FGD6: variants seen among roughly 807,000 people sequenced by gnomAD.
FGD6 encodes the protein FYVE, RhoGEF and PH domain-containing protein 6.
Under a neutral mutation model 149.4 loss-of-function variants are expected in FGD6, and 90 were observed. The ratio of observed to expected loss-of-function variants is 0.60; its 90% CI spans 0.51 to 0.72. The LOEUF (loss-of-function observed/expected upper bound fraction) is 0.72, where lower values mean the gene tolerates loss of function less well. FGD6 is among the 30% of genes least tolerant of loss of function. The pLI, the probability that FGD6 is intolerant of heterozygous loss-of-function variation, is 0.00. For missense variants in FGD6, 1,437 were observed against 1,684.8 expected (o/e 0.85, Z 2.57); for synonymous variants, 527 against 584.0 (o/e 0.90, Z 1.41).
intron 2 of FGD6, among the ~76,000 whole-genome samples, chr12:95,207,038 C>T (rs1358995972): frequency 6.6e-6 from 1 of 150,758 alleles, no homozygotes; most frequent in Non-Finnish European, 1.5e-5. Context: ...TTTGGCTGTG[C>T]CCCCACCCAA....
At chr12:95,176,983 A>G (rs951239902) in intron 2 of FGD6, among the ~76,000 whole-genome samples, 3 of 152,156 alleles carry the variant, frequency 2.0e-5, no homozygotes, top group African/African-American at 4.8e-5. Flanking sequence ...GTACGCCACC[A>G]TGCCCAGCTA....
At chr12:95,201,248 C>T (rs1007842094) in intron 2 of FGD6, among the ~76,000 whole-genome samples, 1 of 152,140 alleles carries the variant, frequency 6.6e-6, no homozygotes, top group African/African-American at 2.4e-5. Flanking sequence ...CCTGGAAGAT[C>T]AGGGAGATAA....
At position 95,084,495 on chromosome 12, in the gene FGD6, T is replaced by C. The variant is rs745424423; in HGVS notation, c.4256+3A>G. On this transcript the variant is annotated splice_donor_region_variant and intron_variant, in intron 20 of 20. Coordinates refer to ENST00000343958, the MANE Select transcript of FGD6 (RefSeq NM_018351.4). ...AAAAGAAAAATATGGCCAGATTACT[T>C]ACTTCTGAGCCGAATGAGCATCCTC... 2 of 1,537,204 alleles carry C rather than the reference T, an allele frequency of 1.3e-6. No individual in the cohort carries two copies. Among genetic ancestry groups the C allele is most frequent in the Non-Finnish European group, 1.7e-6 (2 of 1,150,250 alleles).
intron 2 of FGD6, among the ~76,000 whole-genome samples, chr12:95,207,405 C>T (rs1196070391): frequency 2.0e-5 from 3 of 152,194 alleles, no homozygotes; most frequent in Non-Finnish European, 2.9e-5. Flanking sequence ...ATACACCCCA[C>T]TATGTGCCAA....
chr12:95,119,807 C>A (rs1879132753), intron 8 of FGD6, among the ~76,000 whole-genome samples: 1 of 152,206 alleles, frequency 6.6e-6, no homozygotes, highest in African/African-American at 2.4e-5. Flanking sequence ...ATAATCCCAG[C>A]TACTCGGGAG....
intron 13 of FGD6, among the ~76,000 whole-genome samples, chr12:95,106,120 TTTG>T (rs1438921434): frequency 4.6e-5 from 7 of 152,106 alleles, no homozygotes; most frequent in African/African-American, 1.4e-4. Context: ...AAAATATATA[TTTG>T]TTGTTGTTAT....
intron 3 of FGD6, among the ~76,000 whole-genome samples, chr12:95,155,542 AC>A (rs552286898): frequency 9.1e-4 from 138 of 152,264 alleles, no homozygotes; most frequent in African/African-American, 3.2e-3. Flanking sequence ...ACAAAACAAA[AC>A]AAAAAACAAA....
intron 2 of FGD6, among the ~76,000 whole-genome samples, chr12:95,183,736 G>C (rs1313177942): frequency 6.6e-6 from 1 of 152,182 alleles, no homozygotes; most frequent in Non-Finnish European, 1.5e-5. Flanking sequence ...TACCTGGGAG[G>C]ATGAGATGGG....
chr12:95,143,353 A>G (rs1879912861), intron 5 of FGD6, among the ~76,000 whole-genome samples: 1 of 151,924 alleles, frequency 6.6e-6, no homozygotes, highest in Non-Finnish European at 1.5e-5. Context: ...AAGTATATGA[A>G]AGGATTCTTT....
chr12:95,123,049 T>C (rs1350355031), intron 8 of FGD6, among the ~76,000 whole-genome samples: 1 of 136,722 alleles, frequency 7.3e-6, no homozygotes, highest in Admixed American at 7.2e-5. Context: ...AGTGAGACTC[T>C]GTCAAAAAAA....
At chr12:95,188,875 A>G (rs1167771407) in intron 2 of FGD6, among the ~76,000 whole-genome samples, 1 of 151,978 alleles carries the variant, frequency 6.6e-6, no homozygotes, top group Non-Finnish European at 1.5e-5. Context: ...AGAGAAAGCT[A>G]TCCCCATCTG....
intron 8 of FGD6, among the ~76,000 whole-genome samples, chr12:95,123,427 C>A (rs2136249947): frequency 6.6e-6 from 1 of 152,182 alleles, no homozygotes; most frequent in African/African-American, 2.4e-5. Context: ...AAACCCAACT[C>A]CAGGCTCATC....
At chr12:95,204,406 G>A (rs1565923393) in intron 2 of FGD6, among the ~76,000 whole-genome samples, 1 of 152,172 alleles carries the variant, frequency 6.6e-6, no homozygotes, top group Non-Finnish European at 1.5e-5. Context: ...TAGCAAAGGA[G>A]AACGGGGAGG....
At chr12:95,213,845 T>C (rs1158577213) in intron 1 of FGD6, among the ~76,000 whole-genome samples, 1 of 152,218 alleles carries the variant, frequency 6.6e-6, no homozygotes, top group Non-Finnish European at 1.5e-5. Context: ...CTGAATTCAA[T>C]TAATAACTGT....
At chr12:95,142,887 ATC>A (rs1879894891) in intron 5 of FGD6, among the ~76,000 whole-genome samples, 1 of 152,102 alleles carries the variant, frequency 6.6e-6, no homozygotes, top group Non-Finnish European at 1.5e-5. Flanking sequence ...TCTCTAGACT[ATC>A]TGTACCATGT....
chr12:95,083,822 C>G (rs1877772380), intron 20 of FGD6, among the ~76,000 whole-genome samples: 1 of 152,130 alleles, frequency 6.6e-6, no homozygotes, highest in African/African-American at 2.4e-5. Context: ...AAAATGTATT[C>G]TTTTGTGAAG....
intron 8 of FGD6, among the ~76,000 whole-genome samples, chr12:95,132,415 T>C (rs1432226592): frequency 6.6e-6 from 1 of 152,184 alleles, no homozygotes; most frequent in Non-Finnish European, 1.5e-5. Flanking sequence ...ATTTAACATA[T>C]GTAGACTTTT....
chr12:95,150,886 G>A (rs745484570), intron 5 of FGD6, among the ~76,000 whole-genome samples: 1 of 152,080 alleles, frequency 6.6e-6, no homozygotes, highest in Non-Finnish European at 1.5e-5. Context: ...AGATTGCTCA[G>A]GAGTTCGAGA....
chr12:95,217,142 C>T, intron 1 of FGD6, 83 bp downstream of exon 1: 1 of 1,589,292 alleles, frequency 6.3e-7, no homozygotes, highest in African/African-American at 1.4e-5. Flanking sequence ...TCGCCCACCC[C>T]GGCGAAGAAA....
Sources: gnomAD v4.1 joint callset for allele counts (sites outside exome capture counted in the v4.1 genomes callset) on GRCh38, gnomAD v4.1.1 for gene constraint, MANE v1.5 for transcripts, NCBI Gene and HGNC (gene_info 2026-07-23, HGNC 2026-07-21) for gene names.